Variants in SLC12A8 observed in about 807,000 individuals in gnomAD.
The protein encoded by SLC12A8 is solute carrier family 12 member 8.
In SLC12A8, 69 loss-of-function variants were observed where a neutral mutation model predicts 75.6. The observed-to-expected ratio is 0.91, with a 90% confidence interval of 0.75 to 1.11. The LOEUF (loss-of-function observed/expected upper bound fraction) is 1.11. Among genes scored for constraint, SLC12A8 ranks in the 50% most tolerant of loss-of-function variants. The pLI is 0.00. For missense variants in SLC12A8, 877 were observed against 896.7 expected (o/e 0.98, Z 0.28); for synonymous variants, 365 against 372.8 (o/e 0.98, Z 0.24).
At chr3:125,170,949 G>C (rs950014251) in intron 5 of SLC12A8, among the ~76,000 whole-genome samples, 17 of 152,238 alleles carry the variant, frequency 1.1e-4, no homozygotes, top group African/African-American at 4.1e-4. Flanking sequence ...AAAATAGACT[G>C]AGAAGCTATG....
At chr3:125,152,457 A>G (rs148158976) in intron 5 of SLC12A8, among the ~76,000 whole-genome samples, 4 of 152,330 alleles carry the variant, frequency 2.6e-5, no homozygotes, top group Admixed American at 1.3e-4. Context: ...AGGATTCTAG[A>G]GTGTCATATC....
chr3:125,194,681 A>C (rs1216271822), intron 2 of SLC12A8, among the ~76,000 whole-genome samples: 2 of 152,240 alleles, frequency 1.3e-5, no homozygotes, highest in African/African-American at 2.4e-5. Flanking sequence ...AGGAAAAGCA[A>C]TCAGGTGAGA....
intron 8 of SLC12A8, among the ~76,000 whole-genome samples, chr3:125,118,210 CTCA>C (rs1326130126): frequency 6.6e-6 from 1 of 152,228 alleles, no homozygotes; most frequent in Non-Finnish European, 1.5e-5. Flanking sequence ...TATCTAGCCC[CTCA>C]TATTTGTGAA....
intron 5 of SLC12A8, among the ~76,000 whole-genome samples, chr3:125,162,165 C>A (rs188794454): frequency 6.6e-6 from 1 of 152,390 alleles, no homozygotes; most frequent in Non-Finnish European, 1.5e-5. Context: ...TAGGGTTCTC[C>A]ACACCTCCAT....
intron 10 of SLC12A8, 149 bp from the exon 11 acceptor site, chr3:125,092,347 A>G: frequency 1.8e-6 from 1 of 547,556 alleles, no homozygotes. Context: ...AGGAAGAAAG[A>G]AGTGTTTATG....
intron 8 of SLC12A8, among the ~76,000 whole-genome samples, chr3:125,113,702 T>A (rs1461483466): frequency 6.6e-6 from 1 of 152,240 alleles, no homozygotes; most frequent in Non-Finnish European, 1.5e-5. Flanking sequence ...GATTCTTTTC[T>A]GGCATACACC....
intron 6 of SLC12A8, among the ~76,000 whole-genome samples, chr3:125,131,621 CAA>C (rs1933360121): frequency 1.3e-5 from 2 of 152,156 alleles, no homozygotes; most frequent in Non-Finnish European, 1.5e-5. Context: ...CTCCCGGGCT[CAA>C]GTGATCTGCC....
rs552529028 is a variant in SLC12A8, at chr3:125,208,698, C to CTCAGA, written c.51+2596_51+2600dup. 2.7e-3 allele frequency among the ~76,000 whole-genome samples: 402 copies of CTCAGA among 150,558 alleles called. 2 individuals carry two copies. The highest frequency in any genetic ancestry group is 0.024 in the Middle Eastern group (7 of 290). Reference sequence around the variant, plus strand: ...ACCCTCGACCACCACACCATTAACACTCAGATCTACAGCTCCTTCCCAGCT... The same window carrying CTCAGA: ...ACCCTCGACCACCACACCATTAACACTCAGATCAGATCTACAGCTCCTTCCCAGCT... On this transcript the variant is annotated intron_variant, in intron 2 of 13. Transcript: ENST00000469902.
chr3:125,091,486 G>GCAGCAACACCCATGTTAAC lies in SLC12A8; in HGVS notation c.1855_1873dup (p.Ala625GlyfsTer2), dbSNP rs1560047855. 1 of 1,613,944 alleles carries GCAGCAACACCCATGTTAAC rather than the reference G, an allele frequency of 6.2e-7. No homozygotes were observed. On this transcript the variant is annotated stop_gained and frameshift_variant, in exon 12 of 14. Transcript: ENST00000469902. LOFTEE classifies it high-confidence loss of function. ...CCGGCCAATGTAGAAATACACGATG[G>GCAGCAACACCCATGTTAAC]CAGCAACACCCATGTTAACCAGGGT...
chr3:125,134,086 G>T (rs544684437), intron 6 of SLC12A8, among the ~76,000 whole-genome samples: 2 of 151,896 alleles, frequency 1.3e-5, no homozygotes, highest in Admixed American at 6.6e-5. Flanking sequence ...CACCTATATT[G>T]TTGTGTGTAT....
Position 125,084,013 on chromosome 3 carries a change from C to T in SLC12A8, c.2022G>A (p.Pro674=), listed in dbSNP as rs376393434. The change falls in exon 14 of 14, where the codon CCG becomes CCA. Residue 674 remains proline (P), a synonymous_variant. Coordinates refer to ENST00000469902, the MANE Select transcript of SLC12A8 (RefSeq NM_024628.6). ...TCTCCATGTCAACCTTAGCCAGGGA[C>T]GGCGCCAAGATGATCTGCTCCTGAG... ...RSPQEQIILA[P]SLAKVDMEMT... 3.3e-5 allele frequency: 53 copies of T among 1,613,012 alleles called. No individual in the cohort carries two copies. The African/African-American group carries it at 4.3e-4, about 13-fold the overall frequency.
At chr3:125,127,289 T>A (rs1445087733) in intron 6 of SLC12A8, among the ~76,000 whole-genome samples, 1 of 152,230 alleles carries the variant, frequency 6.6e-6, no homozygotes, top group Admixed American at 6.5e-5. Context: ...TCCCTCTCAA[T>A]GTTTTAGAGA....
intron 4 of SLC12A8, among the ~76,000 whole-genome samples, chr3:125,181,607 CAAA>C (rs67602083): frequency 1.6e-4 from 11 of 67,612 alleles, no homozygotes; most frequent in Admixed American, 1.4e-3. Flanking sequence ...GACTCCGTCT[CAAA>C]AAAAAAAAAA....
chr3:125,155,822 C>A, intron 5 of SLC12A8, among the ~76,000 whole-genome samples: 1 of 118,922 alleles, frequency 8.4e-6, no homozygotes, highest in Non-Finnish European at 1.7e-5. Flanking sequence ...AACCACTTTT[C>A]TTAATCATTA....
At chr3:125,085,989 C>T (rs1938450579) in intron 13 of SLC12A8, among the ~76,000 whole-genome samples, 1 of 151,840 alleles carries the variant, frequency 6.6e-6, no homozygotes, top group African/African-American at 2.4e-5. Flanking sequence ...ACTGAAACCT[C>T]CGCCTCCCGG....
At chr3:125,150,331 T>C (rs763501592) in intron 5 of SLC12A8, among the ~76,000 whole-genome samples, 1 of 152,202 alleles carries the variant, frequency 6.6e-6, no homozygotes, top group Non-Finnish European at 1.5e-5. Flanking sequence ...GAAGCAAGGC[T>C]GGTTACTCCA....
chr3:125,154,142 G>A (rs1215361802), intron 5 of SLC12A8, among the ~76,000 whole-genome samples: 2 of 152,232 alleles, frequency 1.3e-5, no homozygotes, highest in African/African-American at 4.8e-5. Context: ...CAGTGGTAGA[G>A]AGAATGCTGG....
intron 2 of SLC12A8, among the ~76,000 whole-genome samples, chr3:125,205,222 A>G (rs1935203309): frequency 6.6e-6 from 1 of 152,154 alleles, no homozygotes; most frequent in East Asian, 1.9e-4. Context: ...CAGCCCCCTG[A>G]GCATCCCTGG....
chr3:125,121,721 T>C (rs1277210929), intron 6 of SLC12A8, among the ~76,000 whole-genome samples: 1 of 152,216 alleles, frequency 6.6e-6, no homozygotes, highest in East Asian at 1.9e-4. Flanking sequence ...AAAGCTAAGA[T>C]TCAACCCTGG....
Sources: allele counts gnomAD v4.1 joint callset (sites outside exome capture counted in the v4.1 genomes callset), GRCh38; gene constraint gnomAD v4.1.1; transcripts MANE v1.5; gene names NCBI Gene and HGNC (gene_info 2026-07-23, HGNC 2026-07-21).